The following IL1RAPL1 variants were observed in gnomAD, a reference collection of about 807,000 sequenced individuals.
The protein encoded by IL1RAPL1 is interleukin 1 receptor accessory protein like 1.
In IL1RAPL1, 3 loss-of-function variants were observed where a neutral mutation model predicts 48.4. The observed-to-expected ratio is 0.06, with a 90% CI of 0.03 to 0.16. IL1RAPL1 has a LOEUF of 0.16. Ranked by LOEUF, IL1RAPL1 falls within the 10% of genes least tolerant of loss-of-function variation. IL1RAPL1 has a pLI of 1.00. For missense variants in IL1RAPL1, 349 were observed against 530.6 expected (o/e 0.66, Z 3.36); for synonymous variants, 185 against 187.7 (o/e 0.99, Z 0.12).
chrX:28,786,091 T>G (rs1455999892), intron 1 of IL1RAPL1, among the ~76,000 whole-genome samples: 1 of 111,589 alleles, frequency 9.0e-6, no homozygotes, highest in Non-Finnish European at 1.9e-5. Context: ...CACAGAAAAC[T>G]TGATAGGGAA....
intron 1 of IL1RAPL1, among the ~76,000 whole-genome samples, chrX:28,725,908 G>C (rs748986033): frequency 8.9e-6 from 1 of 112,199 alleles, no homozygotes; most frequent in African/African-American, 3.2e-5. Flanking sequence ...GTTGTATTTA[G>C]AAAAGCATCA....
chrX:29,224,209 C>A (rs1293014132), intron 2 of IL1RAPL1, among the ~76,000 whole-genome samples: 1 of 110,796 alleles, frequency 9.0e-6, no homozygotes, highest in Non-Finnish European at 1.9e-5. Context: ...TTTGAGAACA[C>A]CTTTAGCATT....
At chrX:29,579,725 T>C (rs188470432) in intron 5 of IL1RAPL1, among the ~76,000 whole-genome samples, 3 of 111,581 alleles carry the variant, frequency 2.7e-5, no homozygotes, top group Non-Finnish European at 5.7e-5. Context: ...TAAATGAATA[T>C]TCCTCTAATA....
intron 6 of IL1RAPL1, among the ~76,000 whole-genome samples, chrX:29,853,277 G>C (rs1476214042): frequency 3.8e-5 from 4 of 106,374 alleles, no homozygotes; most frequent in Non-Finnish European, 7.7e-5. Flanking sequence ...GAGGTCCCTT[G>C]AGCCTAGGAA....
intron 2 of IL1RAPL1, among the ~76,000 whole-genome samples, chrX:29,192,059 ATTC>A (rs1930362049): frequency 9.0e-6 from 1 of 111,664 alleles, no homozygotes; most frequent in Non-Finnish European, 1.9e-5. Context: ...GCAGCAGTCT[ATTC>A]TTTCGTTCTC....
intron 2 of IL1RAPL1, among the ~76,000 whole-genome samples, chrX:28,815,839 GTATATATATATATA>G (rs61436993): frequency 0.017 from 490 of 29,114 alleles, 13 homozygotes; most frequent in South Asian, 0.028. Flanking sequence ...GTGTGTTTAT[GTATATATATATATA>G]TATATATATA....
At chrX:28,912,841 A>AATT in intron 2 of IL1RAPL1, among the ~76,000 whole-genome samples, 1 of 111,655 alleles carries the variant, frequency 9.0e-6, no homozygotes, top group East Asian at 2.8e-4. Flanking sequence ...CTTTTGAAAA[A>AATT]ATTTTTTTGT....
At chrX:29,155,138 G>C (rs1929543510) in intron 2 of IL1RAPL1, among the ~76,000 whole-genome samples, 1 of 110,102 alleles carries the variant, frequency 9.1e-6, no homozygotes, top group Non-Finnish European at 1.9e-5. Context: ...CTCCCAAGTA[G>C]CTGGGATTAC....
chrX:29,601,795 G>A (rs779338721), intron 5 of IL1RAPL1, among the ~76,000 whole-genome samples: 1 of 111,987 alleles, frequency 8.9e-6, no homozygotes, highest in South Asian at 3.7e-4. Flanking sequence ...AACATATAGA[G>A]ATCTGTTTGA....
intron 5 of IL1RAPL1, among the ~76,000 whole-genome samples, chrX:29,487,785 A>G (rs191747897): frequency 3.8e-4 from 42 of 111,835 alleles, no homozygotes; most frequent in African/African-American, 1.3e-3. Context: ...AAAAAATCCA[A>G]TCTCCTGGGT....
At chrX:29,321,579 G>C (rs1932804201) in intron 3 of IL1RAPL1, among the ~76,000 whole-genome samples, 1 of 111,800 alleles carries the variant, frequency 8.9e-6, no homozygotes, top group Admixed American at 9.6e-5. Flanking sequence ...TAGTCGCACA[G>C]TGATATTTTG....
chrX:29,600,071 G>A (rs1471552795), intron 5 of IL1RAPL1, among the ~76,000 whole-genome samples: 5 of 111,917 alleles, frequency 4.5e-5, no homozygotes, highest in Non-Finnish European at 9.4e-5. Context: ...CATCTGGTGT[G>A]ATCTTTTTGG....
chrX:29,032,819 C>T (rs1049338350), intron 2 of IL1RAPL1, among the ~76,000 whole-genome samples: 32 of 112,125 alleles, frequency 2.9e-4, no homozygotes, highest in Non-Finnish European at 1.1e-4. Flanking sequence ...GTTTGAATTG[C>T]GGGTCTGCCA....
At chrX:28,943,075 A>G (rs1490177243) in intron 2 of IL1RAPL1, among the ~76,000 whole-genome samples, 1 of 110,344 alleles carries the variant, frequency 9.1e-6, no homozygotes, top group Non-Finnish European at 1.9e-5. Flanking sequence ...TTGACTTAGA[A>G]GTTGTAAATG....
intron 2 of IL1RAPL1, among the ~76,000 whole-genome samples, chrX:29,187,992 A>G (rs184284206): frequency 1.3e-4 from 15 of 112,081 alleles, no homozygotes; most frequent in African/African-American, 4.2e-4. Flanking sequence ...GCCAAATCTA[A>G]CCAATTACAT....
chrX:28,599,605 T>A (rs979568807), intron 1 of IL1RAPL1, among the ~76,000 whole-genome samples: 1 of 111,374 alleles, frequency 9.0e-6, no homozygotes, highest in African/African-American at 3.3e-5. Context: ...CCTTCCCATA[T>A]GTATTTTAAT....
chrX:29,812,506 T>C (rs1479567394), intron 6 of IL1RAPL1, among the ~76,000 whole-genome samples: 2 of 111,347 alleles, frequency 1.8e-5, no homozygotes, highest in Admixed American at 1.9e-4. Flanking sequence ...GAGAGTCTTA[T>C]GGTGAATGTG....
chrX:29,080,998 C>CTTTCTTTCTT (rs1569232808), intron 2 of IL1RAPL1, among the ~76,000 whole-genome samples: 3 of 44,748 alleles, frequency 6.7e-5, no homozygotes, highest in Non-Finnish European at 1.1e-4. Flanking sequence ...CTTTCTTTCT[C>CTTTCTTTCTT]TCTCTCTCTC....
intron 2 of IL1RAPL1, among the ~76,000 whole-genome samples, chrX:29,072,326 T>A (rs1457682142): frequency 9.0e-6 from 1 of 111,636 alleles, no homozygotes; most frequent in Non-Finnish European, 1.9e-5. Flanking sequence ...TAATGAATCT[T>A]AAATTACTGG....
Sources: allele counts gnomAD v4.1 joint callset (sites outside exome capture counted in the v4.1 genomes callset), GRCh38; gene constraint gnomAD v4.1.1; transcripts MANE v1.5; gene names NCBI Gene and HGNC (gene_info 2026-07-23, HGNC 2026-07-21).